The following A2ML1 variants were observed in gnomAD, a reference collection of about 807,000 sequenced individuals.
The protein encoded by A2ML1 is alpha-2-macroglobulin like 1, also known as alpha-2-macroglobulin-like protein 1.
In A2ML1, 161 loss-of-function variants were observed where a neutral mutation model predicts 181.9. That is an observed-to-expected ratio of 0.89 (90% CI 0.78 to 1.01). The LOEUF (loss-of-function observed/expected upper bound fraction) is 1.01, where lower values mean the gene tolerates loss of function less well. Ranked by LOEUF, A2ML1 falls within the 50% of genes least tolerant of loss-of-function variation. A2ML1 has a pLI of 0.00. For missense variants in A2ML1, 1,670 were observed against 1,768.1 expected (o/e 0.94, Z 1.00); for synonymous variants, 663 against 666.8 (o/e 0.99, Z 0.09).
Position 8,869,028 on chromosome 12 carries a change from C to A in A2ML1, c.4153-107C>A, listed in dbSNP as rs1007597703. 5 of 1,106,202 alleles carry A rather than the reference C, an allele frequency of 4.5e-6. No individual in the cohort carries two copies. In the Admixed American group the frequency reaches 6.3e-5, roughly 14 times the overall value. The allele number at this position is 1,106,202 out of a possible 1,614,324, so 68.5% of individuals were successfully genotyped here. On this transcript the variant is annotated intron_variant, in intron 32 of 35. Coordinates refer to ENST00000299698, the MANE Select transcript of A2ML1 (RefSeq NM_144670.6). ...AATAGTCTTGGTTCCCTTTTCCTAC[C>A]TTTTCCACAGTATATATTGTTTCCT...
chr12:8,875,766 A>G (rs1944782185), intron 35 of A2ML1: 1 of 80,448 alleles, frequency 1.2e-5, no homozygotes, highest in African/African-American at 5.2e-5. Context: ...AATAGTTTAC[A>G]GAAGAAAAAG....
At position 8,852,349 on chromosome 12, in the gene A2ML1, A is replaced by G; in HGVS notation, c.2590+13A>G. The G allele has an allele frequency of 6.2e-7, 1 of 1,614,002 alleles. No individual in the cohort carries two copies. Among genetic ancestry groups the G allele is most frequent in the Non-Finnish European group, 8.5e-7 (1 of 1,179,920 alleles). ...GCTGTCAAATTGGGTAAGAGAGGGA[A>G]GTGGTAGACGGGCGAGGAAAGCCAG... On this transcript the variant is annotated intron_variant, in intron 20 of 35. Coordinates refer to ENST00000299698, the MANE Select transcript of A2ML1 (RefSeq NM_144670.6). This position sits in a 1 kb window ranked among gnomAD's most constrained non-coding sequence, Gnocchi z 4.2.
chr12:8,851,861 C>T lies in A2ML1; in HGVS notation c.2312C>T (p.Ser771Phe), dbSNP rs751048962. The T allele has an allele frequency of 1.9e-6, 3 of 1,614,210 alleles. No homozygotes were observed. Among genetic ancestry groups the T allele is most frequent in the Non-Finnish European group, 2.5e-6 (3 of 1,180,032 alleles). Residue 771 changes from serine (S) to phenylalanine (F), a missense_variant, in exon 19 of 36, where the codon TCC becomes TTC. Coordinates refer to ENST00000299698, the MANE Select transcript of A2ML1 (RefSeq NM_144670.6). ...TEWKAMSFCT[S>F]QSRGFGLSPT... ...TGGAAGGCGATGAGTTTCTGCACTT[C>T]CCAGTCAAGAGGCTTCGGGCTTTCA...
At chr12:8,841,009 A>AGGAAGGAAGGAAGGAC (rs1455920945) in intron 10 of A2ML1, among the ~76,000 whole-genome samples, 3 of 76,960 alleles carry the variant, frequency 3.9e-5, no homozygotes, top group African/African-American at 1.3e-4. Flanking sequence ...GAAGGAAGGA[A>AGGAAGGAAGGAAGGAC]GGACGGAAGG....
At chr12:8,876,900 G>A (rs770524328), downstream of A2ML1, 45 of 152,240 alleles carry the variant, frequency 3.0e-4, no homozygotes, top group African/African-American at 9.1e-4. Flanking sequence ...TTTTAACCCA[G>A]ACTTCTCAAA....
At chr12:8,874,579 C>A (rs1236459006) in intron 34 of A2ML1, 52 bp downstream of exon 34, 2 of 1,385,460 alleles carry the variant, frequency 1.4e-6, no homozygotes, top group African/African-American at 1.4e-5. Flanking sequence ...CATCTCCCAA[C>A]TTACTTCTGC....
rs1437799136 is a variant in A2ML1, at chr12:8,852,543, T to C, written c.2590+207T>C. Among the ~76,000 whole-genome samples the C allele has an allele frequency of 6.6e-6, 1 of 152,112 alleles. No homozygotes were observed. Among genetic ancestry groups the C allele is most frequent in the Non-Finnish European group, 1.5e-5 (1 of 68,024 alleles). ...TTTGTTCAAACCGGAATATTTTGAG[T>C]GTGAAAGGGAGAGCTTTTAATATTT... On this transcript the variant is annotated intron_variant, in intron 20 of 35. Coordinates refer to ENST00000299698, the MANE Select transcript of A2ML1 (RefSeq NM_144670.6). This position sits in a 1 kb window ranked among gnomAD's most constrained non-coding sequence, Gnocchi z 4.2.
intron 33 of A2ML1, among the ~76,000 whole-genome samples, 159 bp downstream of exon 33, chr12:8,869,362 A>G (rs1944543846): frequency 6.6e-6 from 1 of 152,188 alleles, no homozygotes; most frequent in Admixed American, 6.5e-5. Flanking sequence ...GGTATACCGT[A>G]AAACACCCCA....
Position 8,861,235 on chromosome 12 carries a change from C to A in A2ML1, c.3440C>A (p.Ala1147Asp). The A allele has an allele frequency of 6.2e-7, 1 of 1,614,124 alleles. No individual in the cohort carries two copies. Among genetic ancestry groups the A allele is most frequent in the Non-Finnish European group, 8.5e-7 (1 of 1,180,022 alleles). The change falls in exon 28 of 36, where the codon GCT becomes GAT. Residue 1147 changes from alanine (A) to aspartate (D), a missense_variant. Transcript: ENST00000299698. ...QALLAYIFSL[A>D]GEMDIRNILL... ...CTGTTGGCTTACATTTTCTCCCTGGCTGGGGAAATGGACATCAGAAACATT... is the reference window on the plus strand; with the variant it reads ...CTGTTGGCTTACATTTTCTCCCTGGATGGGGAAATGGACATCAGAAACATT...
Position 8,868,064 on chromosome 12 carries a change from A to T in A2ML1, c.3933+7A>T. 1 of 1,613,098 alleles carries T rather than the reference A, an allele frequency of 6.2e-7. No homozygotes were observed. The highest frequency in any genetic ancestry group is 8.5e-7 in the Non-Finnish European group (1 of 1,179,034). On this transcript the variant is annotated splice_region_variant and intron_variant, in intron 30 of 35. Coordinates refer to ENST00000299698, the MANE Select transcript of A2ML1 (RefSeq NM_144670.6). ...GGGCTGTGTCTATGTGCAGGTAAGT[A>T]GAGATCCATGAGAATGAGCGGACAT...
At chr12:8,849,866 T>C in intron 17 of A2ML1, 107 bp downstream of exon 17, 1 of 1,019,648 alleles carries the variant, frequency 9.8e-7, no homozygotes, top group Non-Finnish European at 1.5e-6. Flanking sequence ...AGCCCGAGAA[T>C]GCTAATGGGT....
chr12:8,847,649 A>T lies in A2ML1; in HGVS notation c.1784A>T (p.Asp595Val), dbSNP rs1462968334. 1.2e-6 allele frequency: 2 copies of T among 1,613,806 alleles called. No homozygotes were observed. Among genetic ancestry groups the T allele is most frequent in the Non-Finnish European group, 1.7e-6 (2 of 1,179,904 alleles). ...PGSLCALRAVDESVLLLRPDR... is the reference protein window; with the variant it reads ...PGSLCALRAVVESVLLLRPDR... ...TCCCTGTGTGCGCTCCGGGCGGTGG[A>T]TGAGAGTGTCTTACTGCTTAGGCCA... The change falls in exon 15 of 36, where the codon GAT becomes GTT. Residue 595 changes from aspartate to valine, a missense_variant. Asp to Val is a radical substitution (Grantham distance 152). Coordinates refer to ENST00000299698, the MANE Select transcript of A2ML1 (RefSeq NM_144670.6).
chr12:8,868,375 G>T lies in A2ML1; in HGVS notation c.4061+18G>T. Reference sequence around the variant, plus strand: ...CACACCAGGTGATTAAAGCTGGGGTGCTGGTGGCCGGCAGAGCACCTGGTC... The same window carrying T: ...CACACCAGGTGATTAAAGCTGGGGTTCTGGTGGCCGGCAGAGCACCTGGTC... On this transcript the variant is annotated intron_variant, in intron 31 of 35. Transcript: ENST00000299698. 1 of 1,609,176 alleles carries T rather than the reference G, an allele frequency of 6.2e-7. No homozygotes were observed. The highest frequency in any genetic ancestry group is 8.5e-7 in the Non-Finnish European group (1 of 1,178,030).
chr12:8,830,008 CA>C (rs1198282390), intron 4 of A2ML1, among the ~76,000 whole-genome samples: 1 of 152,116 alleles, frequency 6.6e-6, no homozygotes. Context: ...TCTACACATT[CA>C]TCAGGTTCTT....
chr12:8,884,408 C>G (rs1044986473), intron 7 of A2ML1, among the ~76,000 whole-genome samples: 22 of 151,864 alleles, frequency 1.4e-4, no homozygotes, highest in African/African-American at 5.3e-4. Context: ...CTTTTCTGCT[C>G]CTCTCCCTCC....
At chr12:8,877,947 T>C (rs935533336), downstream of A2ML1, among the ~76,000 whole-genome samples, 8 of 152,196 alleles carry the variant, frequency 5.3e-5, no homozygotes, top group East Asian at 5.8e-4. Context: ...TGTTCATCAA[T>C]GGTAGAGTGG....
At chr12:8,867,694 A>G (rs1472771018) in intron 29 of A2ML1, 148 bp from the exon 30 acceptor site, 2 of 649,580 alleles carry the variant, frequency 3.1e-6, no homozygotes, top group African/African-American at 3.6e-5. Context: ...CAGCTTCTCC[A>G]GAGGAGGTGG....
chr12:8,852,200 T>A lies in A2ML1; in HGVS notation c.2464-10T>A, dbSNP rs1164547724. The A allele has an allele frequency of 2.5e-6, 4 of 1,613,848 alleles. No homozygotes were observed. Among genetic ancestry groups the A allele is most frequent in the Non-Finnish European group, 3.4e-6 (4 of 1,180,026 alleles). On this transcript the variant is annotated splice_polypyrimidine_tract_variant and intron_variant, in intron 19 of 35. Coordinates refer to ENST00000299698, the MANE Select transcript of A2ML1 (RefSeq NM_144670.6). This position sits in a 1 kb window ranked among gnomAD's most constrained non-coding sequence, Gnocchi z 4.2. ...GTTTGTACCCTTTGTCTCTTAAACA[T>A]CCTCCGTAGGTTCAGACTGACCTGG... is the stretch of plus-strand genomic sequence containing the variant.
intron 13 of A2ML1, 115 bp downstream of exon 13, chr12:8,845,617 G>A (rs1367968880): frequency 5.2e-6 from 5 of 970,130 alleles, no homozygotes; most frequent in Non-Finnish European, 7.9e-6. Flanking sequence ...GGAGGCCGAG[G>A]TGGGCGGATC....
Sources: allele counts gnomAD v4.1 joint callset (sites outside exome capture counted in the v4.1 genomes callset), GRCh38; gene constraint gnomAD v4.1.1; non-coding constraint Gnocchi (gnomAD v3.1); transcripts MANE v1.5; gene names NCBI Gene and HGNC (gene_info 2026-07-23, HGNC 2026-07-21).